The following RHOA variants were observed in gnomAD, a reference collection of about 807,000 sequenced individuals.
RHOA encodes the protein ras homolog family member A, also known as transforming protein RhoA.
A neutral mutation model predicts 17.5 loss-of-function variants in RHOA; 3 were observed. The ratio of observed to expected loss-of-function variants is 0.17; its 90% CI spans 0.08 to 0.44. The LOEUF is 0.44. Among genes scored for constraint, RHOA ranks in the 20% least tolerant of loss-of-function variants. The pLI is 0.99. For synonymous variants in RHOA, 98 were observed against 88.4 expected (o/e 1.11, Z -0.61); for missense variants, 56 against 242.3 (o/e 0.23, Z 5.10).
At chr3:49,380,851 CAAAA>C (rs1243619423) in intron 1 of RHOA, among the ~76,000 whole-genome samples, 1 of 151,098 alleles carries the variant, frequency 6.6e-6, no homozygotes, top group African/African-American at 2.4e-5. Flanking sequence ...GAAAACAAAA[CAAAA>C]AAACTCAGAG....
intron 1 of RHOA, among the ~76,000 whole-genome samples, chr3:49,393,796 G>A (rs1170768867): frequency 2.1e-4 from 32 of 148,922 alleles, no homozygotes; most frequent in Non-Finnish European, 3.4e-4. Context: ...TGCAACCTCC[G>A]CCTCCCGGGT....
At chr3:49,407,360 A>T (rs1036615493) in intron 1 of RHOA, among the ~76,000 whole-genome samples, 7 of 147,588 alleles carry the variant, frequency 4.7e-5, no homozygotes, top group Non-Finnish European at 1.0e-4. Flanking sequence ...CAGCCTCCTG[A>T]ATAGCCGGGA....
At chr3:49,411,601 G>A (rs2048937614) in intron 1 of RHOA, among the ~76,000 whole-genome samples, 1 of 151,896 alleles carries the variant, frequency 6.6e-6, no homozygotes, top group African/African-American at 2.4e-5. Context: ...GGGCACAGGA[G>A]ACTACCGGGC....
chr3:49,360,937 G>GT (rs2047957178), intron 4 of RHOA: 1 of 372,316 alleles, frequency 2.7e-6, no homozygotes, highest in Non-Finnish European at 5.3e-6. Flanking sequence ...CCTGGGTGTG[G>GT]TAGTGGGCGC....
intron 1 of RHOA, among the ~76,000 whole-genome samples, chr3:49,384,190 G>C (rs779916591): frequency 6.6e-6 from 1 of 152,140 alleles, no homozygotes; most frequent in African/African-American, 2.4e-5. Context: ...CTGGGAGTGC[G>C]GCAATACACA....
At chr3:49,383,123 CA>C (rs1262266801) in intron 1 of RHOA, among the ~76,000 whole-genome samples, 1 of 151,844 alleles carries the variant, frequency 6.6e-6, no homozygotes, top group African/African-American at 2.4e-5. Flanking sequence ...ACCTAGAAGA[CA>C]TTCAATTCTT....
intron 2 of RHOA, 102 bp downstream of exon 2, chr3:49,375,332 T>G: frequency 9.5e-7 from 1 of 1,056,440 alleles, no homozygotes; most frequent in Non-Finnish European, 1.3e-6. Context: ...AACATTTTTG[T>G]TATATGGTAT....
At chr3:49,367,342 C>CAAAAAAAAAAAAAA (rs62926260) in intron 3 of RHOA, among the ~76,000 whole-genome samples, 938 of 80,270 alleles carry the variant, frequency 0.012, 87 homozygotes, top group East Asian at 0.081. Flanking sequence ...GACTCCCTCT[C>CAAAAAAAAAAAAAA]AAAAAAAAAA....
At chr3:49,408,270 G>GTATATGTACACATA (rs374230785) in intron 1 of RHOA, among the ~76,000 whole-genome samples, 987 of 53,998 alleles carry the variant, frequency 0.018, 18 homozygotes, top group African/African-American at 0.042. Flanking sequence ...ACGTATACAC[G>GTATATGTACACATA]TATATACGTA....
chr3:49,360,521 G>T, intron 4 of RHOA, 139 bp from the exon 5 acceptor site: 1 of 822,222 alleles, frequency 1.2e-6, no homozygotes. Context: ...AGGCTGGAGG[G>T]CAATGGCATG....
At chr3:49,388,606 T>C (rs2107873833) in intron 1 of RHOA, among the ~76,000 whole-genome samples, 1 of 152,326 alleles carries the variant, frequency 6.6e-6, no homozygotes, top group Middle Eastern at 3.4e-3. Flanking sequence ...GCATTTCACA[T>C]AGCAGTCTTT....
chr3:49,409,121 G>A (rs891320024), intron 1 of RHOA, among the ~76,000 whole-genome samples: 2 of 151,796 alleles, frequency 1.3e-5, no homozygotes, highest in Non-Finnish European at 1.5e-5. Context: ...ATGGGTGGGC[G>A]TGGTGGCTCA....
At position 49,360,014 on chromosome 3, in the gene RHOA, A is replaced by G. The variant is rs1804291; in HGVS notation, c.*195T>C. 1.7e-6 allele frequency: 1 copy of G among 573,304 alleles called. No individual in the cohort carries two copies. The highest frequency in any genetic ancestry group is 2.7e-5 in the South Asian group (1 of 37,670). The allele number at this position is 573,304 out of a possible 1,614,324, so 35.5% of individuals were successfully genotyped here. On this transcript the variant is annotated 3_prime_UTR_variant, in exon 5 of 5. Coordinates refer to ENST00000418115, the MANE Select transcript of RHOA (RefSeq NM_001664.4). ...GGAGGGCTGTTAGAGCAGTGTCAAAAGGACCCTGGTGGGCCAGACGGGTTG... is the reference window on the plus strand; with the variant it reads ...GGAGGGCTGTTAGAGCAGTGTCAAAGGGACCCTGGTGGGCCAGACGGGTTG...
intron 1 of RHOA, among the ~76,000 whole-genome samples, chr3:49,395,700 G>A (rs4855842): frequency 0.44 from 66,316 of 151,656 alleles, 15,809 homozygotes; most frequent in East Asian, 0.93. Flanking sequence ...GCAACAGAGC[G>A]AGACTCTGTC....
chr3:49,399,637 G>A (rs1289569273), intron 1 of RHOA, among the ~76,000 whole-genome samples: 1 of 150,648 alleles, frequency 6.6e-6, no homozygotes, highest in Non-Finnish European at 1.5e-5. Context: ...CAGTGCTGGA[G>A]TGCAGTGGAG....
At chr3:49,374,431 A>C (rs2048191901) in intron 2 of RHOA, among the ~76,000 whole-genome samples, 1 of 150,204 alleles carries the variant, frequency 6.7e-6, no homozygotes, top group Non-Finnish European at 1.5e-5. Flanking sequence ...TGAAAAGAGC[A>C]CATATGGCTG....
At chr3:49,370,893 C>CT (rs2048137749) in intron 2 of RHOA, among the ~76,000 whole-genome samples, 1 of 152,186 alleles carries the variant, frequency 6.6e-6, no homozygotes, top group African/African-American at 2.4e-5. Flanking sequence ...TAAATGATTT[C>CT]TTCCTTAAAA....
At chr3:49,380,821 C>G (rs1297967361) in intron 1 of RHOA, among the ~76,000 whole-genome samples, 1 of 151,082 alleles carries the variant, frequency 6.6e-6, no homozygotes, top group African/African-American at 2.4e-5. Context: ...AGAGGGCAAA[C>G]AACGACAAAA....
In RHOA at chr3:49,378,240, C is replaced by CTT. The variant is rs71077802; in HGVS notation, c.-2-2651_-2-2650dup. ...GTACGCTATTTATCTATCCATCTAT[C>CTT]TTTTTTTTTTTTTTTTTTTTTTTTG... On this transcript the variant is annotated intron_variant, in intron 1 of 4. Transcript: ENST00000418115. Among the ~76,000 whole-genome samples, 472 of 60,736 alleles carry CTT rather than the reference C, an allele frequency of 7.8e-3. 1 individual carries two copies. The highest frequency in any genetic ancestry group is 8.8e-3 in the Non-Finnish European group (311 of 35,478). The allele number at this position is 60,736 out of a possible 152,430, so 39.8% of individuals were successfully genotyped here. A position where few individuals can be genotyped will look rare whatever the true frequency, so the allele number is the denominator to read the frequency against.
Sources: gnomAD v4.1 joint callset for allele counts (sites outside exome capture counted in the v4.1 genomes callset) on GRCh38, gnomAD v4.1.1 for gene constraint, MANE v1.5 for transcripts, NCBI Gene and HGNC (gene_info 2026-07-23, HGNC 2026-07-21) for gene names.